ADAMTS17: variants seen among roughly 807,000 people sequenced by gnomAD.
ADAMTS17 encodes A disintegrin and metalloproteinase with thrombospondin motifs 17.
ADAMTS17 carries 113 observed loss-of-function variants against 141.5 expected under a neutral mutation model. The ratio of observed to expected loss-of-function variants is 0.80; its 90% CI spans 0.69 to 0.93. ADAMTS17 has a LOEUF of 0.93. ADAMTS17 is among the 40% of genes least tolerant of loss of function. ADAMTS17 has a pLI of 0.00. For synonymous variants in ADAMTS17, 768 were observed against 630.6 expected, an observed-to-expected ratio of 1.22 and a Z score of -3.27; for missense variants, 1,659 against 1,517.9, an observed-to-expected ratio of 1.09 and a Z score of -1.54.
At chr15:100,129,743 CA>C (rs34727892) in intron 12 of ADAMTS17, 18,953 of 144,616 alleles carry the variant, frequency 0.13, 1,361 homozygotes, top group Admixed American at 0.2. Flanking sequence ...AACTCCGTCT[CA>C]AAAAAAAAAA....
chr15:100,011,002 C>T (rs77752770), intron 18 of ADAMTS17, among the ~76,000 whole-genome samples: 1,915 of 152,086 alleles, frequency 0.013, 42 homozygotes, highest in African/African-American at 0.044. Context: ...TGAATGTGCG[C>T]GTCTCCGGAA....
intron 8 of ADAMTS17, among the ~76,000 whole-genome samples, chr15:100,158,825 T>TTC (rs1310723798): frequency 6.6e-6 from 1 of 152,138 alleles, no homozygotes; most frequent in African/African-American, 2.4e-5. Flanking sequence ...GAGAAGACGT[T>TTC]TCTCTAAAGA....
intron 18 of ADAMTS17, among the ~76,000 whole-genome samples, chr15:100,014,862 A>C (rs184617411): frequency 1.3e-5 from 2 of 152,218 alleles, no homozygotes; most frequent in Non-Finnish European, 2.9e-5. Flanking sequence ...TCTTCTGTAT[A>C]TATCTTTTAA....
At chr15:100,091,005 C>T (rs1428288344) in intron 15 of ADAMTS17, among the ~76,000 whole-genome samples, 17 of 85,250 alleles carry the variant, frequency 2.0e-4, no homozygotes, top group Non-Finnish European at 3.3e-4. Flanking sequence ...GAGACTCCGT[C>T]TCAACAAAAA....
chr15:100,098,973 C>T (rs556408357), intron 14 of ADAMTS17, among the ~76,000 whole-genome samples: 105 of 152,300 alleles, frequency 6.9e-4, no homozygotes, highest in African/African-American at 2.3e-3. Flanking sequence ...ATTTTCAAAC[C>T]ACACCCTTGC....
chr15:100,005,512 T>A (rs1428911548), intron 18 of ADAMTS17, among the ~76,000 whole-genome samples: 1 of 152,096 alleles, frequency 6.6e-6, no homozygotes, highest in African/African-American at 2.4e-5. Context: ...AGACCAGCAG[T>A]GGTGGGGGAG....
chr15:100,233,391 A>T (rs1190178775), intron 7 of ADAMTS17, among the ~76,000 whole-genome samples: 1 of 152,038 alleles, frequency 6.6e-6, no homozygotes, highest in Non-Finnish European at 1.5e-5. Flanking sequence ...GCCGTTTTTT[A>T]AGATGGTCAA....
At chr15:100,264,165 G>A (rs574366957) in intron 4 of ADAMTS17, among the ~76,000 whole-genome samples, 1 of 152,272 alleles carries the variant, frequency 6.6e-6, no homozygotes, top group African/African-American at 2.4e-5. Context: ...CCTTTCCTCA[G>A]GAACAACTAG....
chr15:100,245,233 GTC>G (rs2042952052), intron 7 of ADAMTS17, among the ~76,000 whole-genome samples: 1 of 152,226 alleles, frequency 6.6e-6, no homozygotes, highest in South Asian at 2.1e-4. Context: ...TGGAAGGGAG[GTC>G]TGTTTCAGAA....
At chr15:100,179,376 G>T (rs1303731446) in intron 8 of ADAMTS17, among the ~76,000 whole-genome samples, 2 of 152,118 alleles carry the variant, frequency 1.3e-5, no homozygotes, top group East Asian at 3.9e-4. Flanking sequence ...CCACGTTGTT[G>T]CAAGTGACAG....
At chr15:100,067,117 C>T (rs1161905219) in intron 15 of ADAMTS17, among the ~76,000 whole-genome samples, 1 of 152,048 alleles carries the variant, frequency 6.6e-6, no homozygotes, top group African/African-American at 2.4e-5. Context: ...AGAAGGCAGC[C>T]ATCCTTCTAA....
intron 15 of ADAMTS17, among the ~76,000 whole-genome samples, chr15:100,090,080 T>C (rs2035360392): frequency 6.6e-6 from 1 of 152,106 alleles, no homozygotes; most frequent in Non-Finnish European, 1.5e-5. Flanking sequence ...TGAAAAATTC[T>C]GGCCACAAGA....
chr15:100,081,085 G>T (rs907268101), intron 15 of ADAMTS17, among the ~76,000 whole-genome samples: 2 of 152,140 alleles, frequency 1.3e-5, no homozygotes, highest in Non-Finnish European at 2.9e-5. Context: ...CAGGGGGCTG[G>T]GGAAGGCAGA....
At chr15:100,109,946 A>G (rs2036649124) in intron 13 of ADAMTS17, among the ~76,000 whole-genome samples, 3 of 152,008 alleles carry the variant, frequency 2.0e-5, no homozygotes, top group Non-Finnish European at 4.4e-5. Context: ...TTAAAGCAAC[A>G]GCATCTGCCT....
At chr15:100,135,529 C>G (rs760238938) in intron 10 of ADAMTS17, among the ~76,000 whole-genome samples, 7 of 152,106 alleles carry the variant, frequency 4.6e-5, no homozygotes, top group Non-Finnish European at 4.4e-5. Flanking sequence ...GTGATCCACC[C>G]GTCTCAGTCT....
chr15:100,153,009 A>G (rs375282221), intron 9 of ADAMTS17, among the ~76,000 whole-genome samples: 52 of 34,348 alleles, frequency 1.5e-3, no homozygotes, highest in African/African-American at 3.1e-3. Flanking sequence ...GGAGGGGCAT[A>G]GGAACGACAT....
chr15:100,087,654 T>A lies in ADAMTS17; in HGVS notation c.2137+8702A>T, dbSNP rs1320600753. ...GCTTATGCACCATGATCAAGTGGGC[T>A]TCATTCCTGGGATGCAAGGCTGGTT... On this transcript the variant is annotated intron_variant, in intron 15 of 21. Transcript: ENST00000268070. Among the ~76,000 whole-genome samples the A allele has an allele frequency of 4.4e-4, 67 of 152,208 alleles. 2 individuals are homozygous for A. Among genetic ancestry groups the A allele is most frequent in the Admixed American group, 4.3e-3 (66 of 15,286 alleles).
At chr15:100,268,009 A>G (rs547007769) in intron 4 of ADAMTS17, among the ~76,000 whole-genome samples, 72 of 152,262 alleles carry the variant, frequency 4.7e-4, no homozygotes, top group African/African-American at 1.7e-3. Flanking sequence ...ATCCACATGT[A>G]CCCAGTGTTT....
chr15:100,212,738 A>G (rs1452579438), intron 7 of ADAMTS17, among the ~76,000 whole-genome samples: 1 of 152,012 alleles, frequency 6.6e-6, no homozygotes, highest in Non-Finnish European at 1.5e-5. Context: ...TTTCGTTGCC[A>G]GATCTCAACT....
Sources: gnomAD v4.1 joint callset for allele counts (sites outside exome capture counted in the v4.1 genomes callset) on GRCh38, gnomAD v4.1.1 for gene constraint, MANE v1.5 for transcripts, NCBI Gene and HGNC (gene_info 2026-07-23, HGNC 2026-07-21) for gene names.